The following CMC1 variants were observed in gnomAD, a reference collection of about 807,000 sequenced individuals.
The protein encoded by CMC1 is C-X9-C motif containing 1.
In CMC1, 14 loss-of-function variants were observed where a neutral mutation model predicts 14.1. The ratio of observed to expected loss-of-function variants is 0.99; its 90% confidence interval spans 0.66 to 1.55. CMC1 has a LOEUF of 1.55. CMC1 is among the 40% of genes most tolerant of loss of function. CMC1 has a pLI of 0.00. For missense variants in CMC1, 127 were observed against 123.8 expected (o/e 1.03, Z -0.12); for synonymous variants, 50 against 38.4 (o/e 1.30, Z -1.12).
At chr3:28,283,347 C>T (rs1041371694) in intron 2 of CMC1, among the ~76,000 whole-genome samples, 1 of 151,202 alleles carries the variant, frequency 6.6e-6, no homozygotes, top group African/African-American at 2.4e-5. Context: ...AACCCCATCT[C>T]TACTAAAAAT....
At chr3:28,299,665 A>G (rs1295459851) in intron 2 of CMC1, among the ~76,000 whole-genome samples, 2 of 152,108 alleles carry the variant, frequency 1.3e-5, no homozygotes, top group African/African-American at 4.8e-5. Context: ...ATAATGATAT[A>G]TTTTCTAGTT....
At chr3:28,308,686 T>TA (rs1378956525) in intron 2 of CMC1, among the ~76,000 whole-genome samples, 1 of 152,166 alleles carries the variant, frequency 6.6e-6, no homozygotes, top group Admixed American at 6.5e-5. Flanking sequence ...TGGAATTACT[T>TA]ATAAATGAAA....
intron 1 of CMC1, among the ~76,000 whole-genome samples, chr3:28,255,709 A>C (rs1228781435): frequency 2.8e-5 from 4 of 141,522 alleles, no homozygotes; most frequent in Non-Finnish European, 6.1e-5. Flanking sequence ...AAATGTATAT[A>C]TATACATGTA....
At position 28,310,372 on chromosome 3, in the gene CMC1, G is replaced by A. The variant is rs553779751; in HGVS notation, c.110-5961G>A. Among the ~76,000 whole-genome samples, 13 of 152,310 alleles carry A rather than the reference G, an allele frequency of 8.5e-5. No individual in the cohort carries two copies. The South Asian group carries it at 2.5e-3, about 29-fold the overall frequency. On this transcript the variant is annotated intron_variant, in intron 2 of 3. Coordinates refer to ENST00000466830, the MANE Select transcript of CMC1 (RefSeq NM_182523.2). The stretch of plus-strand genomic sequence containing the variant: ...TTTACACAGTAAGTACTTTGAAAAT[G>A]TTTGTTGAATGAATGAGTGATATTT...
intron 2 of CMC1, among the ~76,000 whole-genome samples, chr3:28,269,567 T>C (rs1700175655): frequency 1.4e-5 from 2 of 143,300 alleles, no homozygotes; most frequent in Non-Finnish European, 3.1e-5. Context: ...CCTAGGTTTC[T>C]TTTTTTTTTT....
intron 2 of CMC1, among the ~76,000 whole-genome samples, chr3:28,301,828 A>G (rs1002465352): frequency 2.0e-5 from 3 of 152,140 alleles, no homozygotes; most frequent in African/African-American, 4.8e-5. Context: ...GTTATTTCCT[A>G]TAGTGTATGA....
chr3:28,286,275 C>T (rs1407053194), intron 2 of CMC1, among the ~76,000 whole-genome samples: 1 of 152,102 alleles, frequency 6.6e-6, no homozygotes, highest in Non-Finnish European at 1.5e-5. Context: ...AATGAAATAG[C>T]GTTAACTTAG....
Position 28,324,601 on chromosome 3 carries a change from G to A in CMC1, c.*4972G>A, listed in dbSNP as rs186663592. On this transcript the variant is annotated 3_prime_UTR_variant, in exon 4 of 4. Transcript: ENST00000466830. ...GATCATTGAGGCACTGTGACTAGGAGATAAATGACAGATGATCTGAGTTTT... is the reference window on the plus strand; with the variant it reads ...GATCATTGAGGCACTGTGACTAGGAAATAAATGACAGATGATCTGAGTTTT... 4.1e-4 allele frequency: 253 copies of A among 616,962 alleles called. 1 individual carries two copies. The African/African-American group carries it at 4.3e-3, about 10-fold the overall frequency. 38.2% of individuals were successfully genotyped at this position (616,962 alleles called of 1,614,324 possible). A position where few individuals can be genotyped will look rare whatever the true frequency, so the allele number is the denominator to read the frequency against.
At chr3:28,255,722 TACACAC>T (rs372487968) in intron 1 of CMC1, among the ~76,000 whole-genome samples, 170 of 144,354 alleles carry the variant, frequency 1.2e-3, no homozygotes, top group African/African-American at 3.2e-3. Flanking sequence ...TACATGTACA[TACACAC>T]ACACACACAC....
In CMC1 at chr3:28,270,237, T is replaced by C. The variant is rs549364105; in HGVS notation, c.109+6857T>C. ...GTGAACATACACATGCATATATCTT[T>C]ATAATAGAATGATTTATATTCCTTT... is the stretch of plus-strand genomic sequence containing the variant. On this transcript the variant is annotated intron_variant, in intron 2 of 3. Transcript: ENST00000466830. Among the ~76,000 whole-genome samples, 3 of 152,346 alleles carry C rather than the reference T, an allele frequency of 2.0e-5. No homozygotes were observed. In the East Asian group the frequency reaches 5.8e-4, roughly 29 times the overall value.
At chr3:28,252,795 C>T (rs1185212940) in intron 1 of CMC1, among the ~76,000 whole-genome samples, 3 of 152,180 alleles carry the variant, frequency 2.0e-5, no homozygotes, top group African/African-American at 7.2e-5. Context: ...AAGCTTGGGT[C>T]ATTTCACCTC....
chr3:28,262,022 TA>T (rs2125458598), intron 1 of CMC1, among the ~76,000 whole-genome samples: 1 of 152,326 alleles, frequency 6.6e-6, no homozygotes, highest in African/African-American at 2.4e-5. Flanking sequence ...TTTTAGTTCC[TA>T]TATATCTGAA....
intron 2 of CMC1, among the ~76,000 whole-genome samples, chr3:28,275,215 T>A (rs1700511371): frequency 6.6e-6 from 1 of 152,200 alleles, no homozygotes; most frequent in African/African-American, 2.4e-5. Context: ...TGATTCTTTC[T>A]CATTTTCATG....
At chr3:28,250,200 A>G (rs947431787) in intron 1 of CMC1, among the ~76,000 whole-genome samples, 1 of 152,152 alleles carries the variant, frequency 6.6e-6, no homozygotes, top group African/African-American at 2.4e-5. Context: ...AGAAGATTGG[A>G]TATATAGTGT....
rs1217818118 is a variant in CMC1 at position 28,254,380 on chromosome 3, CT to C, written c.20-8908del. The stretch of plus-strand genomic sequence containing the variant: ...CTGGTATGCTATCAAGTGGGAAAAT[CT>C]TTAGTAGAATTTTCATATTTTTAAT... On this transcript the variant is annotated intron_variant, in intron 1 of 3. Transcript: ENST00000466830. Among the ~76,000 whole-genome samples the C allele has an allele frequency of 7.9e-5, 12 of 152,004 alleles. No individual in the cohort carries two copies. The East Asian group carries it at 2.3e-3, about 29-fold the overall frequency.
rs1160782998 is a variant in CMC1 at position 28,321,984 on chromosome 3, A to C, written c.*2355A>C. On this transcript the variant is annotated 3_prime_UTR_variant, in exon 4 of 4. Transcript: ENST00000466830. Reference sequence around the variant, plus strand: ...TTCAGCTAGTATGAAAGAAGTCAACATAAAATATTCAATTTTAAATAGATT... The same window carrying C: ...TTCAGCTAGTATGAAAGAAGTCAACCTAAAATATTCAATTTTAAATAGATT... 1 of 151,398 alleles carries C rather than the reference A, an allele frequency of 6.6e-6. No homozygotes were observed. The highest frequency in any genetic ancestry group is 1.9e-4 in the East Asian group (1 of 5,166). 9.4% of individuals were successfully genotyped at this position (151,398 alleles called of 1,614,324 possible).
intron 1 of CMC1, among the ~76,000 whole-genome samples, chr3:28,262,249 C>A (rs938874180): frequency 6.6e-6 from 1 of 152,080 alleles, no homozygotes. Context: ...TCAGACATTT[C>A]ATCAGAGTGC....
At chr3:28,265,001 A>T (rs75792834) in intron 2 of CMC1, among the ~76,000 whole-genome samples, 5,462 of 152,252 alleles carry the variant, frequency 0.036, 146 homozygotes, top group Non-Finnish European at 0.055. Flanking sequence ...ATAACTTTAA[A>T]ATATTTATTT....
At chr3:28,309,224 A>G (rs1702498390) in intron 2 of CMC1, among the ~76,000 whole-genome samples, 1 of 152,074 alleles carries the variant, frequency 6.6e-6, no homozygotes, top group African/African-American at 2.4e-5. Context: ...GTATCTTCAG[A>G]ACCTGCTTCC....
Sources: allele counts gnomAD v4.1 joint callset (sites outside exome capture counted in the v4.1 genomes callset), GRCh38; gene constraint gnomAD v4.1.1; transcripts MANE v1.5; gene names NCBI Gene and HGNC (gene_info 2026-07-23, HGNC 2026-07-21).